The following RFX4 variants were observed in gnomAD, a reference collection of about 807,000 sequenced individuals.
RFX4 encodes the protein regulatory factor X4.
RFX4 carries 10 observed loss-of-function variants against 95.0 expected under a neutral mutation model. The observed-to-expected ratio is 0.11, with a 90% CI of 0.06 to 0.18. The LOEUF is 0.18. Ranked by LOEUF, RFX4 falls within the 10% of genes least tolerant of loss-of-function variation. The pLI is 1.00. For synonymous variants in RFX4, 321 were observed against 340.7 expected (o/e 0.94, Z 0.64); for missense variants, 640 against 922.0 (o/e 0.69, Z 3.96).
intron 2 of RFX4, among the ~76,000 whole-genome samples, chr12:106,616,005 A>G (rs1357382674): frequency 6.6e-6 from 1 of 151,976 alleles, no homozygotes; most frequent in African/African-American, 2.4e-5. Context: ...TTTTGAGGTG[A>G]TGTGGTGATA....
chr12:106,719,016 G>A lies in RFX4; in HGVS notation c.1139-944G>A, dbSNP rs560276490. On this transcript the variant is annotated intron_variant, in intron 11 of 17. Coordinates refer to ENST00000392842, the MANE Select transcript of RFX4 (RefSeq NM_213594.3). The stretch of plus-strand genomic sequence containing the variant: ...GGGCACCTGTAGTCCCAGCTACTCG[G>A]GAGGCTGAGGCAGGAGAATAGCGTG... 4.0e-3 allele frequency among the ~76,000 whole-genome samples: 609 copies of A among 152,190 alleles called. 3 individuals carry two copies. The highest frequency in any genetic ancestry group is 0.014 in the African/African-American group (587 of 41,502).
At chr12:106,727,736 C>G (rs1263743786) in intron 13 of RFX4, among the ~76,000 whole-genome samples, 1 of 152,112 alleles carries the variant, frequency 6.6e-6, no homozygotes, top group African/African-American at 2.4e-5. Flanking sequence ...TCTCCTGCCT[C>G]AGCCTCCCGA....
At chr12:106,687,167 A>ATCTC (rs529235754) in intron 6 of RFX4, 70 bp downstream of exon 6, 25,689 of 778,400 alleles carry the variant, frequency 0.033, 757 homozygotes, top group Admixed American at 0.053. Flanking sequence ...CTCTGTCTCT[A>ATCTC]TCTCTCTCTC....
chr12:106,631,397 G>A (rs2040412877), intron 2 of RFX4, among the ~76,000 whole-genome samples: 1 of 152,226 alleles, frequency 6.6e-6, no homozygotes, highest in Non-Finnish European at 1.5e-5. Flanking sequence ...AAGCTAACAA[G>A]GCAGACCCAG....
At chr12:106,615,903 G>C (rs2040062741) in intron 2 of RFX4, among the ~76,000 whole-genome samples, 1 of 152,162 alleles carries the variant, frequency 6.6e-6, no homozygotes, top group African/African-American at 2.4e-5. Flanking sequence ...CATGTCACCT[G>C]AGAATAATGA....
At chr12:106,753,913 C>T (rs551768369) in intron 17 of RFX4, among the ~76,000 whole-genome samples, 1 of 152,126 alleles carries the variant, frequency 6.6e-6, no homozygotes, top group Non-Finnish European at 1.5e-5. Flanking sequence ...CTCAGGGCCC[C>T]CACAAAATGA....
At chr12:106,616,759 C>G (rs1485362978) in intron 2 of RFX4, among the ~76,000 whole-genome samples, 1 of 151,792 alleles carries the variant, frequency 6.6e-6, no homozygotes, top group Non-Finnish European at 1.5e-5. Flanking sequence ...CCTTTTATTA[C>G]TTTTGCCTTT....
chr12:106,672,644 C>T (rs960924208), intron 4 of RFX4, among the ~76,000 whole-genome samples: 5 of 151,982 alleles, frequency 3.3e-5, no homozygotes, highest in African/African-American at 7.3e-5. Flanking sequence ...GGGGCTGAAC[C>T]GACCCTGCAT....
chr12:106,625,036 G>A (rs755364352), intron 2 of RFX4, among the ~76,000 whole-genome samples: 30 of 152,084 alleles, frequency 2.0e-4, no homozygotes, highest in Non-Finnish European at 3.7e-4. Flanking sequence ...TGTGTTGCTC[G>A]GAATGGGAGA....
Position 106,608,894 on chromosome 12 carries a change from G to T in RFX4, c.130+11G>T. Reference sequence around the variant, plus strand: ...TTTCTAATGATGAAAGTAAGTGCTTGAAACTCATTCTTCCATGACATCCCA... The same window carrying T: ...TTTCTAATGATGAAAGTAAGTGCTTTAAACTCATTCTTCCATGACATCCCA... On this transcript the variant is annotated intron_variant, in intron 2 of 17. Coordinates refer to ENST00000392842, the MANE Select transcript of RFX4 (RefSeq NM_213594.3). 1.9e-6 allele frequency: 3 copies of T among 1,605,112 alleles called. No homozygotes were observed. The highest frequency in any genetic ancestry group is 2.5e-6 in the Non-Finnish European group (3 of 1,177,074).
rs192958892 is a variant in RFX4 at position 106,610,662 on chromosome 12, G to A, written c.130+1779G>A. Among the ~76,000 whole-genome samples the A allele has an allele frequency of 3.5e-4, 53 of 152,272 alleles. 1 individual carries two copies. The highest frequency in any genetic ancestry group is 2.7e-3 in the Admixed American group (42 of 15,296). Reference sequence around the variant, plus strand: ...CAGAATTTTCTTCTTTTTGAAGGCCGAATAATATTCCTCTGTATGGATATG... The same window carrying A: ...CAGAATTTTCTTCTTTTTGAAGGCCAAATAATATTCCTCTGTATGGATATG... On this transcript the variant is annotated intron_variant, in intron 2 of 17. Coordinates refer to ENST00000392842, the MANE Select transcript of RFX4 (RefSeq NM_213594.3).
intron 13 of RFX4, among the ~76,000 whole-genome samples, chr12:106,725,784 G>C (rs1462570399): frequency 6.6e-6 from 1 of 152,072 alleles, no homozygotes; most frequent in Non-Finnish European, 1.5e-5. Flanking sequence ...GCACAAAATA[G>C]CATGGTAGAA....
intron 1 of RFX4, among the ~76,000 whole-genome samples, chr12:106,588,091 C>T (rs553702889): frequency 6.6e-6 from 1 of 152,254 alleles, no homozygotes; most frequent in East Asian, 1.9e-4. Context: ...CTGTAGAATC[C>T]AGGAAGCAAT....
chr12:106,677,897 G>C (rs2041427825), intron 4 of RFX4, among the ~76,000 whole-genome samples: 1 of 152,106 alleles, frequency 6.6e-6, no homozygotes, highest in African/African-American at 2.4e-5. Context: ...AGTAGGACCT[G>C]GGGTTGTGCA....
chr12:106,738,335 C>T (rs1406295063), intron 15 of RFX4, among the ~76,000 whole-genome samples: 2 of 152,128 alleles, frequency 1.3e-5, no homozygotes, highest in Non-Finnish European at 2.9e-5. Flanking sequence ...AGGAGACAGA[C>T]TCAAAGGGAA....
intron 15 of RFX4, among the ~76,000 whole-genome samples, chr12:106,745,282 T>C (rs979873320): frequency 1.3e-5 from 2 of 152,188 alleles, no homozygotes; most frequent in Non-Finnish European, 2.9e-5. Context: ...TTTAAGGGTG[T>C]GTGACAAGCA....
chr12:106,704,114 T>A (rs1332253961), intron 8 of RFX4, among the ~76,000 whole-genome samples: 3 of 149,732 alleles, frequency 2.0e-5, no homozygotes, highest in Admixed American at 6.6e-5. Flanking sequence ...TTGTCTACCT[T>A]CACCTGCAAA....
intron 3 of RFX4, among the ~76,000 whole-genome samples, chr12:106,649,944 T>C (rs1349885927): frequency 6.6e-6 from 1 of 152,176 alleles, no homozygotes; most frequent in Non-Finnish European, 1.5e-5. Flanking sequence ...ATTGCTTCAG[T>C]TCATGCCCCA....
At chr12:106,626,798 A>G (rs911259807) in intron 2 of RFX4, among the ~76,000 whole-genome samples, 2 of 152,182 alleles carry the variant, frequency 1.3e-5, no homozygotes, top group Non-Finnish European at 2.9e-5. Context: ...CAGAGACAGA[A>G]TAAGTCAAAT....
Sources: allele counts gnomAD v4.1 joint callset (sites outside exome capture counted in the v4.1 genomes callset), GRCh38; gene constraint gnomAD v4.1.1; transcripts MANE v1.5; gene names NCBI Gene and HGNC (gene_info 2026-07-23, HGNC 2026-07-21).